CAMTA1: variants seen among roughly 807,000 people sequenced by gnomAD.
The protein encoded by CAMTA1 is calmodulin-binding transcription activator 1.
Under a neutral mutation model 170.9 loss-of-function variants are expected in CAMTA1, and 27 were observed. The ratio of observed to expected loss-of-function variants is 0.16; its 90% CI spans 0.12 to 0.22. The LOEUF (loss-of-function observed/expected upper bound fraction) is 0.22. Ranked by LOEUF, CAMTA1 falls within the 10% of genes least tolerant of loss-of-function variation. The pLI, the probability that CAMTA1 is intolerant of heterozygous loss-of-function variation, is 1.00. For missense variants in CAMTA1, 1,619 were observed against 2,217.2 expected, an observed-to-expected ratio of 0.73 and a Z score of 5.42; for synonymous variants, 833 against 891.5, an observed-to-expected ratio of 0.93 and a Z score of 1.17.
rs116306425 is a variant in CAMTA1, at chr1:7,377,354, G to T, written c.439-90476G>T. Among the ~76,000 whole-genome samples, 1,416 of 152,328 alleles carry T rather than the reference G, an allele frequency of 9.3e-3. 12 individuals are homozygous for T. Among genetic ancestry groups the T allele is most frequent in the Non-Finnish European group, 0.014 (978 of 68,030 alleles). On this transcript the variant is annotated intron_variant, in intron 5 of 22. Coordinates refer to ENST00000303635, the MANE Select transcript of CAMTA1 (RefSeq NM_015215.4). ...GACCTCTGGCATGGCTCAACCAAGA[G>T]TCCGGCCCTGTCCTGCGATTCTTTC... is the stretch of plus-strand genomic sequence containing the variant.
intron 3 of CAMTA1, among the ~76,000 whole-genome samples, chr1:6,826,914 C>G (rs1647208707): frequency 6.6e-6 from 1 of 152,160 alleles, no homozygotes; most frequent in Admixed American, 6.5e-5. Flanking sequence ...TCAGCATAAC[C>G]CTTCAACTTT....
At chr1:7,354,686 A>C (rs183998761) in intron 5 of CAMTA1, among the ~76,000 whole-genome samples, 1 of 152,210 alleles carries the variant, frequency 6.6e-6, no homozygotes, top group East Asian at 1.9e-4. Context: ...CCCACCTGCA[A>C]TGTACAAGCA....
At chr1:7,148,172 C>T (rs551904574) in intron 4 of CAMTA1, among the ~76,000 whole-genome samples, 36 of 151,624 alleles carry the variant, frequency 2.4e-4, no homozygotes, top group African/African-American at 8.7e-4. Context: ...ACCATGCACA[C>T]ATGCACACAC....
chr1:7,328,590 G>A (rs2149726230), intron 5 of CAMTA1, among the ~76,000 whole-genome samples: 1 of 152,198 alleles, frequency 6.6e-6, no homozygotes, highest in East Asian at 1.9e-4. Flanking sequence ...CAGATCATTT[G>A]TATTGTACTC....
chr1:7,256,334 C>T (rs556296697), intron 5 of CAMTA1, among the ~76,000 whole-genome samples: 171 of 152,166 alleles, frequency 1.1e-3, no homozygotes, highest in African/African-American at 4.0e-3. Flanking sequence ...CCGAGGCAGG[C>T]GGATCATGAG....
intron 4 of CAMTA1, among the ~76,000 whole-genome samples, chr1:7,122,811 C>T (rs939240637): frequency 2.6e-5 from 4 of 152,108 alleles, no homozygotes; most frequent in African/African-American, 4.8e-5. Flanking sequence ...TGGTGTCGCC[C>T]GAGTCTCCTC....
intron 6 of CAMTA1, among the ~76,000 whole-genome samples, chr1:7,511,916 G>C (rs1389940003): frequency 1.3e-5 from 2 of 152,146 alleles, no homozygotes; most frequent in African/African-American, 4.8e-5. Context: ...AGTCTGCAGG[G>C]AGCTCTCTTT....
At chr1:7,439,626 G>A (rs886702374) in intron 5 of CAMTA1, among the ~76,000 whole-genome samples, 1 of 152,200 alleles carries the variant, frequency 6.6e-6, no homozygotes, top group Non-Finnish European at 1.5e-5. Context: ...TCCTACATAG[G>A]TCCTGGGATC....
chr1:7,575,239 C>T (rs2095176096), intron 6 of CAMTA1, among the ~76,000 whole-genome samples: 1 of 152,166 alleles, frequency 6.6e-6, no homozygotes, highest in Non-Finnish European at 1.5e-5. Flanking sequence ...AGAGTCAAGC[C>T]CAAGGGACTC....
intron 3 of CAMTA1, among the ~76,000 whole-genome samples, chr1:6,951,683 C>T (rs11578608): frequency 0.31 from 46,792 of 152,024 alleles, 7,893 homozygotes; most frequent in Non-Finnish European, 0.38. Flanking sequence ...CCCGCCTCCT[C>T]GGCCATCGGG....
At chr1:7,589,613 C>T (rs2095340139) in intron 6 of CAMTA1, among the ~76,000 whole-genome samples, 1 of 152,156 alleles carries the variant, frequency 6.6e-6, no homozygotes, top group Non-Finnish European at 1.5e-5. Flanking sequence ...CGACCTCTGT[C>T]GCTCAGCATC....
chr1:7,153,982 C>T (rs1489871862), intron 4 of CAMTA1, among the ~76,000 whole-genome samples: 1 of 152,208 alleles, frequency 6.6e-6, no homozygotes, highest in Non-Finnish European at 1.5e-5. Flanking sequence ...GTGGGCACAG[C>T]CATCTCCCTT....
chr1:7,512,378 T>C (rs1442665558), intron 6 of CAMTA1, among the ~76,000 whole-genome samples: 1 of 152,152 alleles, frequency 6.6e-6, no homozygotes, highest in East Asian at 1.9e-4. Context: ...GATGACAAGA[T>C]GCAATTTCAA....
Position 6,917,188 on chromosome 1 carries a change from G to A in CAMTA1, c.234+91978G>A, listed in dbSNP as rs75220986. On this transcript the variant is annotated intron_variant, in intron 3 of 22. Coordinates refer to ENST00000303635, the MANE Select transcript of CAMTA1 (RefSeq NM_015215.4). ...GGAAGCCAGAGGGTTTGCAGTGTGG[G>A]GAATGAGCCTGTTCATGACACTGGA... 3.2e-4 allele frequency among the ~76,000 whole-genome samples: 48 copies of A among 152,166 alleles called. 1 individual carries two copies. Among genetic ancestry groups the A allele is most frequent in the Middle Eastern group, 3.4e-3 (1 of 294 alleles).
intron 4 of CAMTA1, among the ~76,000 whole-genome samples, chr1:7,159,459 C>T (rs187461771): frequency 7.2e-5 from 11 of 152,192 alleles, no homozygotes; most frequent in African/African-American, 2.4e-4. Context: ...CACAGGCTAC[C>T]GACTTCCCTG....
At chr1:7,573,088 A>G (rs2095144212) in intron 6 of CAMTA1, among the ~76,000 whole-genome samples, 2 of 152,224 alleles carry the variant, frequency 1.3e-5, no homozygotes, top group African/African-American at 4.8e-5. Flanking sequence ...CTCCTGGACA[A>G]GACTCAAGTT....
intron 4 of CAMTA1, among the ~76,000 whole-genome samples, chr1:7,170,935 G>T (rs1291121149): frequency 6.6e-6 from 1 of 152,132 alleles, no homozygotes; most frequent in East Asian, 1.9e-4. Context: ...TTTCCATTTT[G>T]TGGGTGCCAT....
chr1:7,701,528 G>A (rs882673), intron 11 of CAMTA1, among the ~76,000 whole-genome samples: 135,150 of 151,792 alleles, frequency 0.89, 60,635 homozygotes, highest in East Asian at 1. Flanking sequence ...CAATCCTCTC[G>A]CCTCAGCCTC....
chr1:7,188,615 G>T (rs1217601349), intron 4 of CAMTA1, among the ~76,000 whole-genome samples: 1 of 152,136 alleles, frequency 6.6e-6, no homozygotes, highest in South Asian at 2.1e-4. Flanking sequence ...CATCTTCAGG[G>T]TTCATCCATG....
Sources: gnomAD v4.1 joint callset for allele counts (sites outside exome capture counted in the v4.1 genomes callset) on GRCh38, gnomAD v4.1.1 for gene constraint, MANE v1.5 for transcripts, NCBI Gene and HGNC (gene_info 2026-07-23, HGNC 2026-07-21) for gene names.